The following RARA variants were observed in gnomAD, a reference collection of about 807,000 sequenced individuals.
RARA encodes PML-DDX5-RARA fusion.
In RARA, 5 loss-of-function variants were observed where a neutral mutation model predicts 42.8. The observed-to-expected ratio is 0.12, with a 90% CI of 0.06 to 0.25. RARA has a LOEUF of 0.25. RARA is among the 10% of genes least tolerant of loss of function. The pLI, the probability that RARA is intolerant of heterozygous loss-of-function variation, is 1.00. For synonymous variants in RARA, 256 were observed against 259.5 expected (o/e 0.99, Z 0.13); for missense variants, 402 against 628.7 (o/e 0.64, Z 3.86).
chr17:40,333,942 T>C (rs987704434), intron 2 of RARA, among the ~76,000 whole-genome samples: 19 of 152,030 alleles, frequency 1.2e-4, no homozygotes, highest in African/African-American at 4.6e-4. Context: ...CAGCTCAGGG[T>C]AGGATTTTTG....
At chr17:40,341,301 C>A in intron 2 of RARA, 1 of 1,377,366 alleles carries the variant, frequency 7.3e-7, no homozygotes, top group Non-Finnish European at 9.4e-7. Context: ...CGGAAGCACG[C>A]AGAGCGTGGG....
intron 1 of RARA, among the ~76,000 whole-genome samples, chr17:40,317,577 G>A (rs1330833406): frequency 7.0e-6 from 1 of 142,376 alleles, no homozygotes; most frequent in Non-Finnish European, 1.5e-5. Context: ...CCTTTGAGGA[G>A]AAGAGTACTT....
At chr17:40,322,430 C>T (rs2033416796) in intron 1 of RARA, among the ~76,000 whole-genome samples, 1 of 152,044 alleles carries the variant, frequency 6.6e-6, no homozygotes, top group Admixed American at 6.5e-5. Context: ...TGGCTGTTCC[C>T]TCTCCCCACA....
At chr17:40,342,069 T>TA (rs2143387471) in intron 2 of RARA, 1 of 1,046,176 alleles carries the variant, frequency 9.6e-7, no homozygotes, top group African/African-American at 1.7e-5. Context: ...GGGAATGGGT[T>TA]AAGCCAGGGG....
Position 40,356,551 on chromosome 17 carries a change from T to C in RARA, c.*325T>C, listed in dbSNP as rs796618173. Reference sequence around the variant, plus strand: ...CCCCTCTGCCCAGCTCACCACATCTTCATCACCAGCAAACGCCAGGACTTG... The same window carrying C: ...CCCCTCTGCCCAGCTCACCACATCTCCATCACCAGCAAACGCCAGGACTTG... On this transcript the variant is annotated 3_prime_UTR_variant, in exon 9 of 9. Coordinates refer to ENST00000254066, the MANE Select transcript of RARA (RefSeq NM_000964.4). 5 of 596,178 alleles carry C rather than the reference T, an allele frequency of 8.4e-6. No individual in the cohort carries two copies. In the African/African-American group the frequency reaches 9.0e-5, roughly 11 times the overall value. 36.9% of individuals were successfully genotyped at this position (596,178 alleles called of 1,614,324 possible).
At chr17:40,317,728 G>C (rs1270944427) in intron 1 of RARA, among the ~76,000 whole-genome samples, 1 of 151,070 alleles carries the variant, frequency 6.6e-6, no homozygotes. Flanking sequence ...TTGCAGCTGA[G>C]ATAATTAAGA....
At position 40,351,793 on chromosome 17, in the gene RARA, G is replaced by C; in HGVS notation, c.470-117G>C. On this transcript the variant is annotated intron_variant, in intron 4 of 8. Coordinates refer to ENST00000254066, the MANE Select transcript of RARA (RefSeq NM_000964.4). This position sits in a 1 kb window ranked among gnomAD's most constrained non-coding sequence, Gnocchi z 4.1. Reference sequence around the variant, plus strand: ...CTGCCCGTGAACGCGTGCTGTGTGCGCGTGCTTACAAGCCTGGGTGACCTC... The same window carrying C: ...CTGCCCGTGAACGCGTGCTGTGTGCCCGTGCTTACAAGCCTGGGTGACCTC... The C allele has an allele frequency of 9.6e-6, 13 of 1,351,974 alleles. No individual in the cohort carries two copies. The highest frequency in any genetic ancestry group is 1.5e-5 in the African/African-American group (1 of 67,386). 83.7% of individuals were successfully genotyped at this position (1,351,974 alleles called of 1,614,324 possible).
Position 40,355,515 on chromosome 17 carries a change from A to G in RARA, c.1171+94A>G, listed in dbSNP as rs2034591887. 5.5e-6 allele frequency: 8 copies of G among 1,452,128 alleles called. No homozygotes were observed. Among genetic ancestry groups the G allele is most frequent in the East Asian group, 4.8e-5 (2 of 41,448 alleles). The allele number at this position is 1,452,128 out of a possible 1,614,324, so 90.0% of individuals were successfully genotyped here. A position where few individuals can be genotyped will look rare whatever the true frequency, so the allele number is the denominator to read the frequency against. On this transcript the variant is annotated intron_variant, in intron 8 of 8. Coordinates refer to ENST00000254066, the MANE Select transcript of RARA (RefSeq NM_000964.4). The surrounding 1 kb of genome is among the most constrained non-coding windows in gnomAD (Gnocchi z 4.1). Reference sequence around the variant, plus strand: ...CACCCCATGTCTTTGTGCCAGGACAATACGACACCTGTCCCCATCTGTGTC... The same window carrying G: ...CACCCCATGTCTTTGTGCCAGGACAGTACGACACCTGTCCCCATCTGTGTC...
chr17:40,356,693 C>T lies in RARA; in HGVS notation c.*467C>T, dbSNP rs973727791. On this transcript the variant is annotated 3_prime_UTR_variant, in exon 9 of 9. Coordinates refer to ENST00000254066, the MANE Select transcript of RARA (RefSeq NM_000964.4). Reference sequence around the variant, plus strand: ...ACAGGGGCGGGGGGTTCCCCCTGTACATACCCTGCCATACCAACCCCAGGT... The same window carrying T: ...ACAGGGGCGGGGGGTTCCCCCTGTATATACCCTGCCATACCAACCCCAGGT... 8 of 540,848 alleles carry T rather than the reference C, an allele frequency of 1.5e-5. No homozygotes were observed. Among genetic ancestry groups the T allele is most frequent in the Non-Finnish European group, 2.8e-5 (8 of 281,732 alleles). 33.5% of individuals were successfully genotyped at this position (540,848 alleles called of 1,614,324 possible).
In RARA at chr17:40,309,186, G is replaced by C. The variant is rs1223650698; in HGVS notation, c.-463G>C. The stretch of plus-strand genomic sequence containing the variant: ...ACGGGAACCCGTGCCTCTTGCAGCA[G>C]CCTAACCCAGAAGCAGGGGGGAATC... On this transcript the variant is annotated 5_prime_UTR_variant, in exon 1 of 9. Transcript: ENST00000254066. 6.6e-6 allele frequency: 1 copy of C among 152,280 alleles called. No individual in the cohort carries two copies. Among genetic ancestry groups the C allele is most frequent in the Non-Finnish European group, 1.5e-5 (1 of 68,088 alleles). 9.4% of individuals were successfully genotyped at this position (152,280 alleles called of 1,614,324 possible). A position where few individuals can be genotyped will look rare whatever the true frequency, so the allele number is the denominator to read the frequency against.
In RARA at chr17:40,355,298, A is replaced by G. The variant is rs1271139288; in HGVS notation, c.1048A>G (p.Met350Val). The G allele has an allele frequency of 3.8e-6, 6 of 1,599,666 alleles. No individual in the cohort carries two copies. The highest frequency in any genetic ancestry group is 5.1e-6 in the Non-Finnish European group (6 of 1,172,996). ...CCTGGAGCAGCCGGACCGGGTGGAC[A>G]TGCTGCAGGAGCCGCTGCTGGAGGC... is the stretch of plus-strand genomic sequence containing the variant. ...QDLEQPDRVDMLQEPLLEALK... is the reference protein window; with the variant it reads ...QDLEQPDRVDVLQEPLLEALK... The change falls in exon 8 of 9, where the codon ATG becomes GTG. Residue 350 changes from methionine to valine, a missense_variant. Around this residue, in one of 5 missense-constraint regions of RARA, gnomAD observed 104 missense variants for 160.1 expected, o/e 0.65. Coordinates refer to ENST00000254066, the MANE Select transcript of RARA (RefSeq NM_000964.4). This position sits in a 1 kb window ranked among gnomAD's most constrained non-coding sequence, Gnocchi z 4.1.
rs972734651 is a variant in RARA, at chr17:40,341,473, C to A, written c.179-6843C>A. 7 of 1,508,706 alleles carry A rather than the reference C, an allele frequency of 4.6e-6. No homozygotes were observed. The African/African-American group carries it at 1.0e-4, about 22-fold the overall frequency. The allele number at this position is 1,508,706 out of a possible 1,614,324, so 93.5% of individuals were successfully genotyped here. On this transcript the variant is annotated intron_variant, in intron 2 of 8. Transcript: ENST00000254066. ...CACAATGTCACACCCGGGTGCCAAA[C>A]ACTTGGCCCCGCGCGACCCGGCCCT...
chr17:40,330,998 T>G lies in RARA; in HGVS notation c.-221T>G. The G allele has an allele frequency of 5.3e-5, 28 of 524,022 alleles. No homozygotes were observed. The highest frequency in any genetic ancestry group is 6.7e-5 in the East Asian group (2 of 30,016). 32.5% of individuals were successfully genotyped at this position (524,022 alleles called of 1,614,324 possible). A position where few individuals can be genotyped will look rare whatever the true frequency, so the allele number is the denominator to read the frequency against. On this transcript the variant is annotated 5_prime_UTR_variant, in exon 2 of 9. Transcript: ENST00000254066. The stretch of plus-strand genomic sequence containing the variant: ...ACTGCTTGACCAAAGGACCGGCTCT[T>G]GAGACATCCCCCAACCCACCTGGCC...
intron 2 of RARA, among the ~76,000 whole-genome samples, chr17:40,344,510 C>T (rs1343810441): frequency 6.6e-6 from 1 of 152,166 alleles, no homozygotes; most frequent in African/African-American, 2.4e-5. Flanking sequence ...TGGTCTCCAG[C>T]CCCTGTCTCT....
chr17:40,337,286 G>T (rs1039035248), intron 2 of RARA, among the ~76,000 whole-genome samples: 2 of 152,216 alleles, frequency 1.3e-5, no homozygotes, highest in Non-Finnish European at 2.9e-5. Context: ...AGTGTGGGGG[G>T]TGGGGCTTAG....
chr17:40,313,711 C>T (rs988566691), intron 1 of RARA, among the ~76,000 whole-genome samples: 5 of 152,192 alleles, frequency 3.3e-5, no homozygotes, highest in Admixed American at 2.0e-4. Context: ...TCCTATTCCT[C>T]TGCTGCCCAC....
rs2034539655 is a variant in RARA, at chr17:40,354,210, G to A, written c.808-92G>A. Reference sequence around the variant, plus strand: ...CATTGCTCCGGCCACCTGCCAGGTGGTCCTCCGGGAGTGCTGGTGCGGAGT... The same window carrying A: ...CATTGCTCCGGCCACCTGCCAGGTGATCCTCCGGGAGTGCTGGTGCGGAGT... On this transcript the variant is annotated intron_variant, in intron 6 of 8. Coordinates refer to ENST00000254066, the MANE Select transcript of RARA (RefSeq NM_000964.4). The surrounding 1 kb of genome is among the most constrained non-coding windows in gnomAD (Gnocchi z 4.5). 8.0e-7 allele frequency: 1 copy of A among 1,245,186 alleles called. No homozygotes were observed. Among genetic ancestry groups the A allele is most frequent in the East Asian group, 2.5e-5 (1 of 40,360 alleles). The allele number at this position is 1,245,186 out of a possible 1,614,324, so 77.1% of individuals were successfully genotyped here.
chr17:40,340,904 G>C (rs941596773), intron 2 of RARA: 2 of 400,098 alleles, frequency 5.0e-6, no homozygotes, highest in Admixed American at 4.4e-5. Context: ...TTAGTAATGT[G>C]ATCTTGGACA....
chr17:40,355,552 C>T lies in RARA; in HGVS notation c.1171+131C>T. ...TCCCCATCTGTGTCTAGGCTGAGGT[C>T]CCCTAGTGACTCCACTTTGCCGAGG... On this transcript the variant is annotated intron_variant, in intron 8 of 8. Coordinates refer to ENST00000254066, the MANE Select transcript of RARA (RefSeq NM_000964.4). This position sits in a 1 kb window ranked among gnomAD's most constrained non-coding sequence, Gnocchi z 4.1. 2.4e-6 allele frequency: 3 copies of T among 1,271,394 alleles called. No individual in the cohort carries two copies. The highest frequency in any genetic ancestry group is 3.2e-6 in the Non-Finnish European group (3 of 938,270). The allele number at this position is 1,271,394 out of a possible 1,614,324, so 78.8% of individuals were successfully genotyped here.
Sources: gnomAD v4.1 joint callset for allele counts (sites outside exome capture counted in the v4.1 genomes callset) on GRCh38, gnomAD v4.1.1 for gene constraint, gnomAD v4.1.1 regional missense constraint, Gnocchi (gnomAD v3.1) non-coding constraint, MANE v1.5 for transcripts, NCBI Gene and HGNC (gene_info 2026-07-23, HGNC 2026-07-21) for gene names.